Variants in DPYD observed in about 807,000 individuals in gnomAD.
DPYD encodes dihydropyrimidine dehydrogenase.
Under a neutral mutation model 116.2 loss-of-function variants are expected in DPYD, and 109 were observed. The ratio of observed to expected loss-of-function variants is 0.94; its 90% CI spans 0.80 to 1.10. The LOEUF is 1.10. DPYD is among the 50% of genes least tolerant of loss of function. The probability of loss-of-function intolerance (pLI) is 0.00; values close to 1 mark genes in which losing one functional copy is unlikely to be tolerated. For synonymous variants in DPYD, 440 were observed against 432.0 expected (o/e 1.02, Z -0.23); for missense variants, 1,302 against 1,254.5 (o/e 1.04, Z -0.57).
At chr1:97,727,126 A>C (rs1663310619) in intron 4 of DPYD, among the ~76,000 whole-genome samples, 1 of 151,750 alleles carries the variant, frequency 6.6e-6, no homozygotes, top group Non-Finnish European at 1.5e-5. Flanking sequence ...ATGCTTCCTG[A>C]TATCAAGATG....
intron 19 of DPYD, among the ~76,000 whole-genome samples, chr1:97,196,931 A>C (rs184527486): frequency 5.4e-4 from 83 of 152,338 alleles, no homozygotes; most frequent in African/African-American, 1.8e-3. Flanking sequence ...GTTTTGAAAA[A>C]ATCCACACTT....
intron 13 of DPYD, among the ~76,000 whole-genome samples, chr1:97,453,439 T>A (rs1204340738): frequency 1.3e-5 from 2 of 152,090 alleles, no homozygotes; most frequent in Admixed American, 6.6e-5. Flanking sequence ...TAGGAATTTT[T>A]AAAATATCAT....
chr1:97,737,720 G>A lies in DPYD; in HGVS notation c.321+2672C>T, dbSNP rs1571275744. Among the ~76,000 whole-genome samples, 3 of 152,018 alleles carry A rather than the reference G, an allele frequency of 2.0e-5. No individual in the cohort carries two copies. The East Asian group carries it at 5.8e-4, about 29-fold the overall frequency. ...AGCTGTAATATGTGTGTGTGTTTGT[G>A]TGTGTGTGTACAATATATGTACAAT... is the stretch of plus-strand genomic sequence containing the variant. On this transcript the variant is annotated intron_variant, in intron 4 of 22. Transcript: ENST00000370192.
At chr1:97,484,749 A>G (rs1026910716) in intron 13 of DPYD, among the ~76,000 whole-genome samples, 1 of 152,176 alleles carries the variant, frequency 6.6e-6, no homozygotes, top group Non-Finnish European at 1.5e-5. Context: ...CTTAAAATAC[A>G]TATTTACTTT....
At chr1:97,768,864 A>C (rs1666003950) in intron 3 of DPYD, among the ~76,000 whole-genome samples, 1 of 151,802 alleles carries the variant, frequency 6.6e-6, no homozygotes, top group African/African-American at 2.4e-5. Context: ...CAATTTTAAG[A>C]TACAATAAAT....
chr1:97,177,202 A>G (rs1657342992), intron 20 of DPYD, among the ~76,000 whole-genome samples: 1 of 152,182 alleles, frequency 6.6e-6, no homozygotes, highest in Non-Finnish European at 1.5e-5. Flanking sequence ...ATCTATAATG[A>G]CCAGCAAATA....
chr1:97,642,435 C>T (rs944063363), intron 8 of DPYD, among the ~76,000 whole-genome samples: 1 of 151,818 alleles, frequency 6.6e-6, no homozygotes, highest in African/African-American at 2.4e-5. Flanking sequence ...AGAAATAATG[C>T]CACACATCTA....
At chr1:97,815,993 C>T (rs1557983386) in intron 3 of DPYD, among the ~76,000 whole-genome samples, 1 of 152,068 alleles carries the variant, frequency 6.6e-6, no homozygotes, top group Non-Finnish European at 1.5e-5. Context: ...GCACATATCA[C>T]AACAGCTGTC....
At chr1:97,731,266 GTTA>G (rs1445887918) in intron 4 of DPYD, among the ~76,000 whole-genome samples, 2 of 151,930 alleles carry the variant, frequency 1.3e-5, no homozygotes, top group African/African-American at 2.4e-5. Flanking sequence ...AGTACAGTGT[GTTA>G]TTATATTCTA....
At chr1:97,667,370 A>G (rs1659623126) in intron 8 of DPYD, among the ~76,000 whole-genome samples, 1 of 152,064 alleles carries the variant, frequency 6.6e-6, no homozygotes, top group African/African-American at 2.4e-5. Context: ...TTTATAGGAG[A>G]GGTTCTTATT....
At chr1:97,883,711 T>G (rs1360274496) in intron 1 of DPYD, 55 of 354,288 alleles carry the variant, frequency 1.6e-4, no homozygotes, top group Non-Finnish European at 4.8e-5. Context: ...CCTCCCAAAG[T>G]GCTGGGGTTA....
At chr1:97,455,565 C>T (rs1385029985) in intron 13 of DPYD, among the ~76,000 whole-genome samples, 2 of 151,802 alleles carry the variant, frequency 1.3e-5, no homozygotes, top group African/African-American at 4.8e-5. Flanking sequence ...ACAAACAAGT[C>T]TAACAACAAA....
At chr1:97,838,798 T>C (rs972570150) in intron 2 of DPYD, among the ~76,000 whole-genome samples, 2 of 152,094 alleles carry the variant, frequency 1.3e-5, no homozygotes, top group Non-Finnish European at 2.9e-5. Flanking sequence ...TGAGCCGAGA[T>C]TGCGCCACTG....
At chr1:97,715,821 A>G (rs938592631) in intron 5 of DPYD, among the ~76,000 whole-genome samples, 10 of 152,016 alleles carry the variant, frequency 6.6e-5, no homozygotes, top group South Asian at 4.1e-4. Flanking sequence ...TATTTGATAG[A>G]TGAAATTTAT....
At chr1:97,134,005 AAAAAAAAAAATATATATATAT>A (rs1465926403) in intron 20 of DPYD, among the ~76,000 whole-genome samples, 11 of 34,006 alleles carry the variant, frequency 3.2e-4, no homozygotes, top group Non-Finnish European at 4.7e-4. Flanking sequence ...TTTCAAAAAA[AAAAAAAAAAATATATATATAT>A]ATATATATAT....
intron 20 of DPYD, among the ~76,000 whole-genome samples, chr1:97,112,317 T>C (rs1037259576): frequency 3.9e-5 from 6 of 152,166 alleles, no homozygotes; most frequent in Admixed American, 1.3e-4. Flanking sequence ...TATTTCACAT[T>C]TAGACTGCAT....
At chr1:97,777,810 A>G (rs1407910439) in intron 3 of DPYD, among the ~76,000 whole-genome samples, 1 of 152,092 alleles carries the variant, frequency 6.6e-6, no homozygotes, top group Non-Finnish European at 1.5e-5. Context: ...CTAACCTGTC[A>G]TGTGGCAAAT....
intron 18 of DPYD, among the ~76,000 whole-genome samples, chr1:97,255,707 C>T (rs1448805449): frequency 1.3e-4 from 8 of 59,700 alleles, no homozygotes; most frequent in East Asian, 2.3e-3. Flanking sequence ...TTATTTTTGC[C>T]GTTTTTTTTT....
intron 8 of DPYD, among the ~76,000 whole-genome samples, chr1:97,651,865 C>T (rs1016354774): frequency 6.6e-6 from 1 of 152,006 alleles, no homozygotes; most frequent in African/African-American, 2.4e-5. Context: ...CATCAAATTG[C>T]TAGAACAAAG....
Sources: allele counts gnomAD v4.1 joint callset (sites outside exome capture counted in the v4.1 genomes callset), GRCh38; gene constraint gnomAD v4.1.1; transcripts MANE v1.5; gene names NCBI Gene and HGNC (gene_info 2026-07-23, HGNC 2026-07-21).